Variants in MYH4 observed in about 807,000 individuals in gnomAD.
MYH4 encodes the protein myosin-4.
Under a neutral mutation model 229.9 loss-of-function variants are expected in MYH4, and 200 were observed. The observed-to-expected ratio is 0.87, with a 90% CI of 0.78 to 0.98. MYH4 has a LOEUF of 0.98. Ranked by LOEUF, MYH4 falls within the 50% of genes least tolerant of loss-of-function variation. The pLI is 0.00. For missense variants in MYH4, 2,148 were observed against 2,332.6 expected (o/e 0.92, Z 1.63); for synonymous variants, 761 against 834.6 (o/e 0.91, Z 1.52).
At chr17:10,457,176 C>G (rs1002607627) in intron 16 of MYH4, among the ~76,000 whole-genome samples, 8 of 152,232 alleles carry the variant, frequency 5.3e-5, no homozygotes, top group African/African-American at 1.9e-4. Flanking sequence ...CACTTAACCT[C>G]TCTGAGATTC....
Position 10,443,518 on chromosome 17 carries a change from A to T in MYH4, c.5677T>A (p.Ser1893Thr), listed in dbSNP as rs748603493. 1.2e-6 allele frequency: 2 copies of T among 1,613,598 alleles called. No individual in the cohort carries two copies. Among genetic ancestry groups the T allele is most frequent in the Non-Finnish European group, 1.7e-6 (2 of 1,179,840 alleles). The change falls in exon 40 of 40, where the codon TCC (serine) becomes ACC (threonine). Residue 1893 changes from serine to threonine, a missense_variant. Transcript: ENST00000255381. The surrounding 1 kb of genome is among the most constrained non-coding windows in gnomAD (Gnocchi z 4.6). ...KRQAEEAEEQSNVNLAKFRKL... is the reference protein window; with the variant it reads ...KRQAEEAEEQTNVNLAKFRKL... ...CGGAACTTGGCAAGGTTGACATTGGATTGTTCCTCCTGAGAACAGAGATGC... is the reference window on the plus strand; with the variant it reads ...CGGAACTTGGCAAGGTTGACATTGGTTTGTTCCTCCTGAGAACAGAGATGC...
intron 28 of MYH4, 145 bp downstream of exon 28, chr17:10,451,181 G>T: frequency 1.8e-6 from 2 of 1,119,974 alleles, no homozygotes; most frequent in Non-Finnish European, 2.5e-6. Context: ...GCATTTTACT[G>T]TCTCATAATA....
chr17:10,453,941 A>G (rs1189822956), intron 22 of MYH4, 56 bp from the exon 23 acceptor site: 1 of 1,593,154 alleles, frequency 6.3e-7, no homozygotes. Flanking sequence ...TAAGCACACA[A>G]TAATTTATTA....
In MYH4 at chr17:10,448,107, T is replaced by C. The variant is rs149540598; in HGVS notation, c.4676A>G (p.Glu1559Gly). The C allele has an allele frequency of 2.5e-6, 4 of 1,613,270 alleles. No individual in the cohort carries two copies. The African/African-American group carries it at 5.3e-5, about 22-fold the overall frequency. ...AAGTTGAATGCGAAGAATTTTGCCT[T>C]CTTCATGCTCAAGAGATGCCTTAAT... ...EEAEASLEHE[E>G]GKILRIQLEL... is the part of the protein sequence containing the mutation. The change falls in exon 34 of 40, where the codon GAA becomes GGA. Residue 1559 changes from glutamate (E) to glycine (G), a missense_variant. By Grantham distance (98) the Glu-to-Gly change is moderately conservative (BLOSUM62 -2). Transcript: ENST00000255381.
chr17:10,466,073 C>T lies in MYH4; in HGVS notation c.348+200G>A, dbSNP rs1290650212. The stretch of plus-strand genomic sequence containing the variant: ...ACAGGCGTGAGCCACCGCGCCCGGC[C>T]CAGTTTTTCAACTAATTCAGTTAAG... On this transcript the variant is annotated intron_variant, in intron 4 of 39. Transcript: ENST00000255381. Among the ~76,000 whole-genome samples the T allele has an allele frequency of 2.6e-5, 4 of 152,160 alleles. No individual in the cohort carries two copies. The East Asian group carries it at 7.7e-4, about 29-fold the overall frequency.
At position 10,448,069 on chromosome 17, in the gene MYH4, C is replaced by T. The variant is rs1324183321; in HGVS notation, c.4714G>A (p.Val1572Met). 3.7e-6 allele frequency: 6 copies of T among 1,613,992 alleles called. No homozygotes were observed. The highest frequency in any genetic ancestry group is 5.1e-6 in the Non-Finnish European group (6 of 1,179,992). Residue 1572 changes from valine to methionine, a missense_variant, in exon 34 of 40, where the codon GTG becomes ATG. Transcript: ENST00000255381. ...ATTTTTCGGTCAATCTCAGATTTCA[C>T]CTGATTTAGCTCAAGTTGAATGCGA... The part of the protein sequence containing the change: ...ILRIQLELNQ[V>M]KSEIDRKIAE...
At chr17:10,445,824 C>T (rs987416834) in intron 35 of MYH4, among the ~76,000 whole-genome samples, 6 of 151,842 alleles carry the variant, frequency 4.0e-5, no homozygotes, top group Admixed American at 1.3e-4. Flanking sequence ...GTCAGGAGAT[C>T]GAGACCATCC....
chr17:10,445,282 C>A lies in MYH4; in HGVS notation c.5250G>T (p.Gln1750His), dbSNP rs2072499253. The part of the protein sequence containing the change: ...QIQGEMEDIV[Q>H]EARNAEEKAK... ...CCTTCTCCTCTGCATTGCGGGCTTC[C>A]TGGACGATGTCCTCCATCTCTCCCT... The change falls in exon 36 of 40, where the codon CAG becomes CAT. Residue 1750 changes from glutamine to histidine, a missense_variant. Gln to His is a conservative substitution (Grantham distance 24). Coordinates refer to ENST00000255381, the MANE Select transcript of MYH4 (RefSeq NM_017533.2). 1 of 1,614,068 alleles carries A rather than the reference C, an allele frequency of 6.2e-7. No individual in the cohort carries two copies. The highest frequency in any genetic ancestry group is 1.3e-5 in the African/African-American group (1 of 74,948).
chr17:10,459,496 T>G (rs2072677732), intron 14 of MYH4, 75 bp from the exon 15 acceptor site: 1 of 1,608,574 alleles, frequency 6.2e-7, no homozygotes, highest in Non-Finnish European at 8.5e-7. Flanking sequence ...AGTATTTTCT[T>G]CTGAATTTAA....
At chr17:10,455,363 A>G (rs567560783) in intron 19 of MYH4, 68 bp from the exon 20 acceptor site, 1 of 1,508,024 alleles carries the variant, frequency 6.6e-7, no homozygotes, top group East Asian at 2.3e-5. Context: ...AACATTTGGT[A>G]GCTATCATTG....
chr17:10,452,431 C>CTTGTAA lies in MYH4; in HGVS notation c.3332_3333insTTACAA (p.Lys1110_Lys1111insAsnTyr). On this transcript the variant is annotated inframe_insertion, in exon 26 of 40. Transcript: ENST00000255381. ...TATAACTTACCTGTAATTCTTTGAT[C>CTTGTAA]TTCTTTTGTAGCTGTATTGCAAGGG... The CTTGTAA allele has an allele frequency of 6.2e-7, 1 of 1,614,076 alleles. No homozygotes were observed. Among genetic ancestry groups the CTTGTAA allele is most frequent in the Non-Finnish European group, 8.5e-7 (1 of 1,179,972 alleles).
chr17:10,448,606 A>G lies in MYH4; in HGVS notation c.4531+12T>C, dbSNP rs755045236. ...CTACCATTTTTGAAATAGAATGATT[A>G]CAGTGACTCACGTTGTAAGTTCTTA... On this transcript the variant is annotated intron_variant, in intron 32 of 39. Coordinates refer to ENST00000255381, the MANE Select transcript of MYH4 (RefSeq NM_017533.2). 6 of 1,612,500 alleles carry G rather than the reference A, an allele frequency of 3.7e-6. No individual in the cohort carries two copies. Among genetic ancestry groups the G allele is most frequent in the Non-Finnish European group, 5.1e-6 (6 of 1,179,466 alleles).
At position 10,464,584 on chromosome 17, in the gene MYH4, C is replaced by T. The variant is rs2072741378; in HGVS notation, c.536G>A (p.Gly179Glu). The T allele has an allele frequency of 1.2e-6, 2 of 1,613,912 alleles. No individual in the cohort carries two copies. Among genetic ancestry groups the T allele is most frequent in the Non-Finnish European group, 1.7e-6 (2 of 1,180,002 alleles). ...DRENQSILITGESGAGKTVNT... is the reference protein window; with the variant it reads ...DRENQSILITEESGAGKTVNT... The stretch of plus-strand genomic sequence containing the variant: ...CACAGTCTTCCCTGCACCAGATTCT[C>T]CACTATCAAGTTCAAACAGAAGAAA... The change falls in exon 7 of 40, where the codon GGA (glycine) becomes GAA (glutamate). Residue 179 changes from glycine to glutamate, a missense_variant and splice_region_variant. By Grantham distance (98) the Gly-to-Glu change is moderately conservative. Coordinates refer to ENST00000255381, the MANE Select transcript of MYH4 (RefSeq NM_017533.2).
At position 10,460,801 on chromosome 17, in the gene MYH4, G is replaced by A. The variant is rs1177894904; in HGVS notation, c.1147+115C>T. The A allele has an allele frequency of 1.1e-4, 114 of 1,065,886 alleles. No individual in the cohort carries two copies. The East Asian group carries it at 1.8e-3, about 17-fold the overall frequency. 66.0% of individuals were successfully genotyped at this position (1,065,886 alleles called of 1,614,324 possible). A position where few individuals can be genotyped will look rare whatever the true frequency, so the allele number is the denominator to read the frequency against. ...TCAGGCAGTGTGTAATTTCCTTCTC[G>A]TAATACTTTTGCCCTTCACGAGCTA... On this transcript the variant is annotated intron_variant, in intron 12 of 39. Transcript: ENST00000255381.
chr17:10,453,515 A>G, intron 23 of MYH4, 128 bp downstream of exon 23: 2 of 1,563,106 alleles, frequency 1.3e-6, no homozygotes, highest in Non-Finnish European at 1.7e-6. Context: ...GGTGGTGAAG[A>G]CTAAAGAGAT....
rs1490681019 is a variant in MYH4, at chr17:10,453,956, G to A, written c.2692-71C>T. On this transcript the variant is annotated intron_variant, in intron 22 of 39. Coordinates refer to ENST00000255381, the MANE Select transcript of MYH4 (RefSeq NM_017533.2). Reference sequence around the variant, plus strand: ...TAAGCACACAATAATTTATTATAAGGTGGAAATTTCAGTGACTACCTGTTT... The same window carrying A: ...TAAGCACACAATAATTTATTATAAGATGGAAATTTCAGTGACTACCTGTTT... 5.1e-6 allele frequency: 8 copies of A among 1,580,550 alleles called. No homozygotes were observed. The East Asian group carries it at 9.0e-5, about 18-fold the overall frequency.
rs772459794 is a variant in MYH4 at position 10,462,882 on chromosome 17, C to A, written c.991G>T (p.Glu331Ter). The change falls in exon 11 of 40, where the codon GAG becomes TAG. Residue 331 changes from glutamate to a stop codon, truncating the protein, a stop_gained. Transcript: ENST00000255381. LOFTEE classifies it high-confidence loss of function. ...ITVPSIDDQE[E>*]LMATDSAVDI... ...TTACTTACATCTGTGGCCATCAGCT[C>A]TTCCTGGTCATCAATGCTGGGCACA... 1.9e-6 allele frequency: 3 copies of A among 1,613,768 alleles called. No homozygotes were observed. The highest frequency in any genetic ancestry group is 2.5e-6 in the Non-Finnish European group (3 of 1,179,848).
intron 39 of MYH4, 28 bp downstream of exon 39, chr17:10,444,576 C>T (rs1487875433): frequency 3.8e-6 from 6 of 1,589,554 alleles, no homozygotes; most frequent in Non-Finnish European, 5.2e-6. Flanking sequence ...GCATCTGAAC[C>T]TTTCATTTCC....
At chr17:10,460,766 A>C (rs1013453016) in intron 12 of MYH4, 150 bp downstream of exon 12, 174 of 752,834 alleles carry the variant, frequency 2.3e-4, no homozygotes, top group Non-Finnish European at 3.5e-4. Flanking sequence ...CTGCTAAATA[A>C]TGTAAAACGT....
Sources: allele counts gnomAD v4.1 joint callset (sites outside exome capture counted in the v4.1 genomes callset), GRCh38; gene constraint gnomAD v4.1.1; non-coding constraint Gnocchi (gnomAD v3.1); transcripts MANE v1.5; gene names NCBI Gene and HGNC (gene_info 2026-07-23, HGNC 2026-07-21).